The following ANXA13 variants were observed in gnomAD, a reference collection of about 807,000 sequenced individuals.
ANXA13 encodes the protein annexin XIII.
Under a neutral mutation model 46.6 loss-of-function variants are expected in ANXA13, and 36 were observed. That is an observed-to-expected ratio of 0.77 (90% confidence interval 0.59 to 1.02). The LOEUF is 1.02. Ranked by LOEUF, ANXA13 falls within the 50% of genes least tolerant of loss-of-function variation. The probability of loss-of-function intolerance (pLI) is 0.00; values close to 1 mark genes in which losing one functional copy is unlikely to be tolerated. For missense variants in ANXA13, 417 were observed against 396.5 expected (o/e 1.05, Z -0.44); for synonymous variants, 163 against 152.9 (o/e 1.07, Z -0.49).
chr8:123,714,285 G>T (rs1033276379), intron 1 of ANXA13, among the ~76,000 whole-genome samples: 1 of 152,190 alleles, frequency 6.6e-6, no homozygotes, highest in African/African-American at 2.4e-5. Flanking sequence ...TGGCAATCAG[G>T]ATTGGTTCAG....
chr8:123,689,000 A>T, intron 8 of ANXA13, 54 bp from the exon 9 acceptor site: 1 of 1,561,746 alleles, frequency 6.4e-7, no homozygotes, highest in Non-Finnish European at 8.8e-7. Context: ...TGACCTTAGT[A>T]CTCTTGGGGT....
chr8:123,718,786 G>C (rs1208304675), intron 1 of ANXA13, among the ~76,000 whole-genome samples: 2 of 152,200 alleles, frequency 1.3e-5, no homozygotes, highest in Non-Finnish European at 2.9e-5. Flanking sequence ...CCTAGGAAGC[G>C]GTGTCACCTT....
At chr8:123,709,345 C>G (rs80244782) in intron 2 of ANXA13, among the ~76,000 whole-genome samples, 4,854 of 151,952 alleles carry the variant, frequency 0.032, 93 homozygotes, top group Non-Finnish European at 0.035. Context: ...CTTCTTTCTT[C>G]TTTCTCTCTC....
At chr8:123,712,407 T>G (rs1371713852) in intron 2 of ANXA13, 2 of 497,138 alleles carry the variant, frequency 4.0e-6, no homozygotes, top group African/African-American at 1.9e-5. Context: ...TTGCATGAAC[T>G]GCACTTCTCA....
Position 123,690,822 on chromosome 8 carries a change from T to C in ANXA13, c.643-1876A>G, listed in dbSNP as rs1385657084. Among the ~76,000 whole-genome samples, 1 of 151,758 alleles carries C rather than the reference T, an allele frequency of 6.6e-6. No homozygotes were observed. The highest frequency in any genetic ancestry group is 6.6e-5 in the Admixed American group (1 of 15,242). On this transcript the variant is annotated intron_variant, in intron 8 of 10. Transcript: ENST00000419625. This position sits in a 1 kb window ranked among gnomAD's most constrained non-coding sequence, Gnocchi z 4.6. The stretch of plus-strand genomic sequence containing the variant: ...ACGGCACGCTGACAGCAGAGCCCTC[T>C]GTGCTCTGGCACTGACTATAGCAGT...
chr8:123,733,206 T>TTAAATAAA (rs10692483), intron 1 of ANXA13, among the ~76,000 whole-genome samples: 97 of 151,434 alleles, frequency 6.4e-4, no homozygotes, highest in East Asian at 2.5e-3. Context: ...TAAGATGATC[T>TTAAATAAA]TAAATAAATA....
chr8:123,706,422 T>C (rs1813541289), intron 2 of ANXA13, among the ~76,000 whole-genome samples: 1 of 152,190 alleles, frequency 6.6e-6, no homozygotes, highest in African/African-American at 2.4e-5. Context: ...CCTTTCTGCG[T>C]GCAGGAGACC....
At chr8:123,703,989 T>G (rs950050594) in intron 2 of ANXA13, among the ~76,000 whole-genome samples, 2 of 152,180 alleles carry the variant, frequency 1.3e-5, no homozygotes, top group African/African-American at 4.8e-5. Context: ...ATTGGGCAAG[T>G]GATTTTTCTT....
At chr8:123,696,105 A>G (rs922752500) in intron 4 of ANXA13, among the ~76,000 whole-genome samples, 5 of 148,078 alleles carry the variant, frequency 3.4e-5, no homozygotes, top group Non-Finnish European at 3.0e-5. Flanking sequence ...AGATACACAG[A>G]TTTTTTTTTT....
intron 1 of ANXA13, among the ~76,000 whole-genome samples, chr8:123,734,421 G>A (rs57742436): frequency 2.9e-3 from 449 of 152,238 alleles, no homozygotes; most frequent in African/African-American, 0.01. Flanking sequence ...TCCAGGATAA[G>A]GAAATTCTTT....
At chr8:123,732,994 A>T (rs1055549245) in intron 1 of ANXA13, among the ~76,000 whole-genome samples, 10 of 151,896 alleles carry the variant, frequency 6.6e-5, no homozygotes, top group African/African-American at 2.4e-4. Context: ...GCAACATAGG[A>T]TGACCCGTCT....
intron 1 of ANXA13, among the ~76,000 whole-genome samples, chr8:123,728,914 T>C (rs574081798): frequency 1.3e-5 from 2 of 152,294 alleles, no homozygotes; most frequent in East Asian, 3.9e-4. Context: ...CAAGTCCCCA[T>C]TATTTGGAAA....
intron 1 of ANXA13, among the ~76,000 whole-genome samples, chr8:123,722,873 T>C (rs1586337370): frequency 6.6e-6 from 1 of 152,194 alleles, no homozygotes; most frequent in East Asian, 1.9e-4. Flanking sequence ...CCTCCTCATT[T>C]CACACCCAAT....
At chr8:123,716,708 A>G (rs370306456) in intron 1 of ANXA13, among the ~76,000 whole-genome samples, 3 of 152,114 alleles carry the variant, frequency 2.0e-5, no homozygotes, top group Non-Finnish European at 4.4e-5. Flanking sequence ...GCTTGTTCCC[A>G]GGAGCTGGGT....
At chr8:123,707,896 G>GA (rs1040589011) in intron 2 of ANXA13, among the ~76,000 whole-genome samples, 1 of 151,310 alleles carries the variant, frequency 6.6e-6, no homozygotes, top group African/African-American at 2.4e-5. Context: ...AGCTAAAAAA[G>GA]AAAAAAAAGG....
intron 1 of ANXA13, among the ~76,000 whole-genome samples, chr8:123,719,524 G>A (rs973628408): frequency 6.6e-6 from 1 of 152,118 alleles, no homozygotes; most frequent in Non-Finnish European, 1.5e-5. Flanking sequence ...AAGCACTTTT[G>A]GGTACAAATA....
intron 10 of ANXA13, among the ~76,000 whole-genome samples, chr8:123,681,777 T>C (rs1024811125): frequency 1.1e-4 from 16 of 151,960 alleles, no homozygotes; most frequent in African/African-American, 3.6e-4. Flanking sequence ...TCAACCACCA[T>C]GCCTGGCTAA....
In ANXA13 at chr8:123,693,338, T is replaced by A. The variant is rs114327951; in HGVS notation, c.541-40A>T. 6.0e-4 allele frequency: 935 copies of A among 1,569,834 alleles called. 7 individuals are homozygous for A. The African/African-American group carries it at 0.01, about 18-fold the overall frequency. Reference sequence around the variant, plus strand: ...ACAAACACTTTGAAAAAGGCTTTTGTGAAAAGACTGATTATGCAGTGCTGT... The same window carrying A: ...ACAAACACTTTGAAAAAGGCTTTTGAGAAAAGACTGATTATGCAGTGCTGT... On this transcript the variant is annotated intron_variant, in intron 7 of 10. Transcript: ENST00000419625.
In ANXA13 at chr8:123,689,007, G is replaced by C. The variant is rs542478644; in HGVS notation, c.643-61C>G. 25 of 1,535,268 alleles carry C rather than the reference G, an allele frequency of 1.6e-5. No individual in the cohort carries two copies. In the South Asian group the frequency reaches 2.7e-4, roughly 17 times the overall value. Reference sequence around the variant, plus strand: ...TTTGCCTTTGACCTTAGTACTCTTGGGGTTGTTCCTCTACAAAAAGCACTC... The same window carrying C: ...TTTGCCTTTGACCTTAGTACTCTTGCGGTTGTTCCTCTACAAAAAGCACTC... On this transcript the variant is annotated intron_variant, in intron 8 of 10. Coordinates refer to ENST00000419625, the MANE Select transcript of ANXA13 (RefSeq NM_004306.4).
Sources: gnomAD v4.1 joint callset for allele counts (sites outside exome capture counted in the v4.1 genomes callset) on GRCh38, gnomAD v4.1.1 for gene constraint, Gnocchi (gnomAD v3.1) non-coding constraint, MANE v1.5 for transcripts, NCBI Gene and HGNC (gene_info 2026-07-23, HGNC 2026-07-21) for gene names.